The following COBLL1 variants were observed in gnomAD, a reference collection of about 807,000 sequenced individuals.
COBLL1 encodes cordon-bleu WH2 repeat protein like 1, also known as cordon-bleu protein-like 1.
A neutral mutation model predicts 94.8 loss-of-function variants in COBLL1; 50 were observed. That is an observed-to-expected ratio of 0.53 (90% CI 0.42 to 0.67). The LOEUF is 0.67. Among genes scored for constraint, COBLL1 ranks in the 30% least tolerant of loss-of-function variants. The probability of loss-of-function intolerance (pLI) is 0.00; values close to 1 mark genes in which losing one functional copy is unlikely to be tolerated. For synonymous variants in COBLL1, 448 were observed against 473.8 expected (o/e 0.95, Z 0.71); for missense variants, 1,362 against 1,348.7 (o/e 1.01, Z -0.15).
chr2:164,668,270 G>C (rs937385590), intron 1 of COBLL1, among the ~76,000 whole-genome samples: 1 of 152,064 alleles, frequency 6.6e-6, no homozygotes, highest in Non-Finnish European at 1.5e-5. Context: ...AGCCTGTCTC[G>C]GCTTTTGACA....
rs377109806 is a variant in COBLL1, at chr2:164,694,470, A to G, written c.2922T>C (p.Phe974=). 3 of 1,614,026 alleles carry G rather than the reference A, an allele frequency of 1.9e-6. No individual in the cohort carries two copies. The African/African-American group carries it at 4.0e-5, about 22-fold the overall frequency. Reference sequence around the variant, plus strand: ...AACTTGAGTATGGTCGTGGGGCACCAAAAGTTTTCAAAGTCTTCAGATTTT... The same window carrying G: ...AACTTGAGTATGGTCGTGGGGCACCGAAAGTTTTCAAAGTCTTCAGATTTT... ...STQNLKTLKT[F]GAPRPYSSSG... Residue 974 remains phenylalanine (F), a synonymous_variant, in exon 12 of 14, where the codon TTT becomes TTC. Coordinates refer to ENST00000652658, the MANE Select transcript of COBLL1 (RefSeq NM_001365672.2).
chr2:164,804,653 G>A (rs1182555320), intron 2 of COBLL1, among the ~76,000 whole-genome samples: 1 of 152,154 alleles, frequency 6.6e-6, no homozygotes, highest in East Asian at 1.9e-4. Context: ...ACTGGTGCTT[G>A]CATTTTCACT....
intron 2 of COBLL1, among the ~76,000 whole-genome samples, chr2:164,770,632 G>A (rs192889390): frequency 9.9e-5 from 15 of 152,056 alleles, no homozygotes; most frequent in Admixed American, 3.9e-4. Context: ...TATAAACACC[G>A]TAAAATCCAT....
chr2:164,673,754 A>T (rs745757726), intron 1 of COBLL1, among the ~76,000 whole-genome samples: 1 of 152,210 alleles, frequency 6.6e-6, no homozygotes, highest in Non-Finnish European at 1.5e-5. Context: ...CACTTTTACA[A>T]GTACTATGAA....
chr2:164,828,579 TA>T (rs1288018502), intron 2 of COBLL1, among the ~76,000 whole-genome samples: 1 of 152,072 alleles, frequency 6.6e-6, no homozygotes, highest in East Asian at 1.9e-4. Flanking sequence ...TCACTGTGTA[TA>T]AAAAAGGGAG....
intron 2 of COBLL1, among the ~76,000 whole-genome samples, chr2:164,807,318 C>T (rs1684215350): frequency 6.6e-6 from 1 of 151,550 alleles, no homozygotes; most frequent in Non-Finnish European, 1.5e-5. Context: ...TCAGGCACGG[C>T]AGTGGGCTAC....
At chr2:164,802,404 G>A (rs879940193) in intron 2 of COBLL1, among the ~76,000 whole-genome samples, 1 of 152,276 alleles carries the variant, frequency 6.6e-6, no homozygotes, top group South Asian at 2.1e-4. Flanking sequence ...ACATCCAAAT[G>A]TGTATGTGTA....
At chr2:164,719,214 A>G (rs913994789) in intron 7 of COBLL1, among the ~76,000 whole-genome samples, 9 of 152,150 alleles carry the variant, frequency 5.9e-5, no homozygotes, top group African/African-American at 2.2e-4. Context: ...AAGAAAAAAA[A>G]ACAAAGATGA....
chr2:164,726,936 G>C (rs1685748231), intron 5 of COBLL1, among the ~76,000 whole-genome samples: 1 of 151,882 alleles, frequency 6.6e-6, no homozygotes, highest in East Asian at 1.9e-4. Context: ...GAAATCAAGG[G>C]GAAGGAACCT....
At chr2:164,775,080 C>T (rs1054193097) in intron 2 of COBLL1, among the ~76,000 whole-genome samples, 4 of 151,826 alleles carry the variant, frequency 2.6e-5, no homozygotes, top group African/African-American at 9.7e-5. Context: ...TGCTTAAGCC[C>T]AGCAGTTTGA....
chr2:164,706,845 A>G (rs1441817384), intron 7 of COBLL1, among the ~76,000 whole-genome samples: 1 of 152,208 alleles, frequency 6.6e-6, no homozygotes. Context: ...CTATCTTTAA[A>G]TAAGATCAGA....
intron 2 of COBLL1, among the ~76,000 whole-genome samples, chr2:164,783,268 C>T (rs1429131769): frequency 1.3e-5 from 2 of 151,992 alleles, no homozygotes; most frequent in Non-Finnish European, 2.9e-5. Flanking sequence ...AAAAAATTAA[C>T]CAGGTGTGGT....
chr2:164,708,952 A>C (rs1684743012), intron 7 of COBLL1, among the ~76,000 whole-genome samples: 1 of 152,174 alleles, frequency 6.6e-6, no homozygotes, highest in African/African-American at 2.4e-5. Context: ...TGAATTTCTC[A>C]ATGAGAGTAT....
At chr2:164,783,437 G>C (rs1362867354) in intron 2 of COBLL1, among the ~76,000 whole-genome samples, 1 of 151,892 alleles carries the variant, frequency 6.6e-6, no homozygotes, top group Non-Finnish European at 1.5e-5. Context: ...AAGAAAGGAA[G>C]AGAAAAGAAA....
intron 2 of COBLL1, among the ~76,000 whole-genome samples, chr2:164,782,363 C>T (rs1189113406): frequency 6.6e-6 from 1 of 152,048 alleles, no homozygotes; most frequent in African/African-American, 2.4e-5. Flanking sequence ...AATCACCTAA[C>T]TGAAAAATTA....
intron 2 of COBLL1, among the ~76,000 whole-genome samples, chr2:164,769,598 C>G (rs994380759): frequency 1.3e-5 from 2 of 152,176 alleles, no homozygotes; most frequent in African/African-American, 4.8e-5. Flanking sequence ...GTGGCTCACG[C>G]CTGTAACCCC....
At chr2:164,727,408 T>G (rs1375535128) in intron 5 of COBLL1, among the ~76,000 whole-genome samples, 1 of 152,170 alleles carries the variant, frequency 6.6e-6, no homozygotes, top group Admixed American at 6.5e-5. Context: ...TTATCTAAGA[T>G]CTCCAAATTT....
intron 2 of COBLL1, among the ~76,000 whole-genome samples, chr2:164,827,655 T>A (rs1484151999): frequency 6.6e-6 from 1 of 152,226 alleles, no homozygotes; most frequent in Admixed American, 6.5e-5. Flanking sequence ...AGCAAGGCAA[T>A]TGACAATTTA....
intron 2 of COBLL1, among the ~76,000 whole-genome samples, chr2:164,769,299 C>T (rs190235434): frequency 6.6e-6 from 1 of 152,276 alleles, no homozygotes; most frequent in African/African-American, 2.4e-5. Context: ...TTATCCTCAG[C>T]CATTCAACAA....
Sources: allele counts gnomAD v4.1 joint callset (sites outside exome capture counted in the v4.1 genomes callset), GRCh38; gene constraint gnomAD v4.1.1; transcripts MANE v1.5; gene names NCBI Gene and HGNC (gene_info 2026-07-23, HGNC 2026-07-21).